Variants in LRRC1 observed in about 807,000 individuals in gnomAD.
LRRC1 encodes leucine rich repeat containing 1, also known as leucine-rich repeat-containing protein 1.
A neutral mutation model predicts 69.9 loss-of-function variants in LRRC1; 28 were observed. The ratio of observed to expected loss-of-function variants is 0.40; its 90% CI spans 0.30 to 0.55. The LOEUF is 0.55. LRRC1 is among the 20% of genes least tolerant of loss of function. The pLI is 0.47. For missense variants in LRRC1, 498 were observed against 609.0 expected (o/e 0.82, Z 1.92); for synonymous variants, 236 against 240.2 (o/e 0.98, Z 0.16).
In LRRC1 at chr6:53,919,560, A is replaced by G; in HGVS notation, c.1169A>G (p.Asn390Ser). 1.9e-6 allele frequency: 3 copies of G among 1,613,448 alleles called. No individual in the cohort carries two copies. The highest frequency in any genetic ancestry group is 1.3e-5 in the African/African-American group (1 of 74,872). Residue 390 changes from asparagine (N) to serine (S), a missense_variant, in exon 12 of 14, where the codon AAC becomes AGC. By Grantham distance (46) the Asn-to-Ser change is conservative. Coordinates refer to ENST00000370888, the MANE Select transcript of LRRC1 (RefSeq NM_018214.5). The part of the protein sequence containing the change: ...LKLKALWLSD[N>S]QSQPLLTFQT... The stretch of plus-strand genomic sequence containing the variant: ...TTGAAGGCTCTGTGGCTATCTGACA[A>G]CCAGTCCCAGCCCCTGCTTACATTC...
intron 1 of LRRC1, among the ~76,000 whole-genome samples, chr6:53,804,960 G>A (rs1013636957): frequency 6.6e-6 from 1 of 152,098 alleles, no homozygotes; most frequent in Non-Finnish European, 1.5e-5. Flanking sequence ...ACACATTCCC[G>A]ATTCTTGACA....
intron 10 of LRRC1, among the ~76,000 whole-genome samples, chr6:53,908,921 A>G (rs1010256842): frequency 6.6e-6 from 1 of 152,232 alleles, no homozygotes; most frequent in African/African-American, 2.4e-5. Context: ...AAATTTAATA[A>G]TGCCAAATTT....
At chr6:53,883,990 T>C in intron 4 of LRRC1, 1 of 718,026 alleles carries the variant, frequency 1.4e-6, no homozygotes. Context: ...GCCAGCAAGT[T>C]GGTGTTTTTC....
intron 4 of LRRC1, among the ~76,000 whole-genome samples, chr6:53,885,891 C>G (rs2127432393): frequency 6.6e-6 from 1 of 152,288 alleles, no homozygotes; most frequent in South Asian, 2.1e-4. Flanking sequence ...GACTACGGCT[C>G]TCCAGGTCCC....
At chr6:53,810,639 C>T (rs1764766335) in intron 1 of LRRC1, among the ~76,000 whole-genome samples, 1 of 151,874 alleles carries the variant, frequency 6.6e-6, no homozygotes, top group Admixed American at 6.6e-5. Flanking sequence ...AAAGCTTTTA[C>T]ACGTAGACAT....
chr6:53,808,125 A>G (rs1018339516), intron 1 of LRRC1, among the ~76,000 whole-genome samples: 2 of 152,194 alleles, frequency 1.3e-5, no homozygotes, highest in Non-Finnish European at 2.9e-5. Flanking sequence ...CTGCCTGCTG[A>G]TTAGAAATTA....
intron 8 of LRRC1, among the ~76,000 whole-genome samples, chr6:53,900,876 G>C (rs1011776661): frequency 6.6e-6 from 1 of 152,198 alleles, no homozygotes; most frequent in Non-Finnish European, 1.5e-5. Flanking sequence ...TAGGATTGCT[G>C]TCTTTAATTT....
At chr6:53,845,219 A>C (rs1765906013) in intron 2 of LRRC1, among the ~76,000 whole-genome samples, 1 of 152,174 alleles carries the variant, frequency 6.6e-6, no homozygotes, top group Non-Finnish European at 1.5e-5. Context: ...AACAAAAGAA[A>C]GAACGAATCT....
chr6:53,873,181 T>A lies in LRRC1; in HGVS notation c.278-5812T>A, dbSNP rs191919051. On this transcript the variant is annotated intron_variant, in intron 2 of 13. Coordinates refer to ENST00000370888, the MANE Select transcript of LRRC1 (RefSeq NM_018214.5). ...AGATTTTTTACCTATTTGGTTAAAT[T>A]TATTCTTAGGCATTTTATTTTTTGT... Among the ~76,000 whole-genome samples the A allele has an allele frequency of 3.4e-3, 521 of 152,298 alleles. 2 individuals carry two copies. The highest frequency in any genetic ancestry group is 0.012 in the African/African-American group (479 of 41,560).
intron 2 of LRRC1, 84 bp downstream of exon 2, chr6:53,842,311 A>AT: frequency 2.3e-6 from 2 of 861,206 alleles, no homozygotes; most frequent in Admixed American, 4.2e-5. Context: ...GAGTGAGAAC[A>AT]TGCGGTGTTT....
intron 1 of LRRC1, among the ~76,000 whole-genome samples, chr6:53,835,148 A>G (rs760105082): frequency 8.7e-4 from 133 of 152,202 alleles, no homozygotes; most frequent in Non-Finnish European, 1.7e-3. Flanking sequence ...GGTTTTTAAT[A>G]AAGTCACAGT....
At chr6:53,911,207 C>T (rs1768397698) in intron 10 of LRRC1, among the ~76,000 whole-genome samples, 1 of 152,140 alleles carries the variant, frequency 6.6e-6, no homozygotes, top group African/African-American at 2.4e-5. Flanking sequence ...GAAACAATAA[C>T]ACACAGTAGA....
At chr6:53,904,924 G>T (rs1768180579) in intron 10 of LRRC1, 1 of 153,832 alleles carries the variant, frequency 6.5e-6, no homozygotes, top group South Asian at 2.0e-4. Flanking sequence ...CTTGGATGAG[G>T]TTGAACAAAC....
chr6:53,905,577 CT>C (rs1768208599), intron 10 of LRRC1, among the ~76,000 whole-genome samples: 1 of 152,048 alleles, frequency 6.6e-6, no homozygotes, highest in East Asian at 1.9e-4. Context: ...TCTGTTTTGA[CT>C]TTTTCTAACG....
chr6:53,902,771 CAT>C lies in LRRC1; in HGVS notation c.906+26_906+27del, dbSNP rs376422415. The stretch of plus-strand genomic sequence containing the variant: ...TGGTAAGTGTGGTTTGCACATATAT[CAT>C]AAAGACTTACTAGGGTAGATTCTAC... On this transcript the variant is annotated intron_variant, in intron 9 of 13. Transcript: ENST00000370888. The C allele has an allele frequency of 3.2e-4, 442 of 1,389,424 alleles. 3 individuals carry two copies. In the African/African-American group the frequency reaches 4.0e-3, roughly 13 times the overall value. 86.1% of individuals were successfully genotyped at this position (1,389,424 alleles called of 1,614,324 possible). A position where few individuals can be genotyped will look rare whatever the true frequency, so the allele number is the denominator to read the frequency against.
chr6:53,914,075 T>C (rs568027041), intron 11 of LRRC1, 106 bp downstream of exon 11: 165 of 719,716 alleles, frequency 2.3e-4, no homozygotes, highest in Admixed American at 6.1e-4. Context: ...TTACAGAATA[T>C]AATCCTGATT....
intron 1 of LRRC1, among the ~76,000 whole-genome samples, chr6:53,825,872 G>A (rs1169946276): frequency 1.3e-5 from 2 of 151,996 alleles, no homozygotes; most frequent in Non-Finnish European, 2.9e-5. Context: ...TTTTTATGGT[G>A]TGTGCTTTTT....
At chr6:53,847,356 C>T (rs1267675404) in intron 2 of LRRC1, among the ~76,000 whole-genome samples, 1 of 152,014 alleles carries the variant, frequency 6.6e-6, no homozygotes, top group African/African-American at 2.4e-5. Context: ...ACCAGGATGG[C>T]AAAAATTGTG....
intron 2 of LRRC1, among the ~76,000 whole-genome samples, chr6:53,875,655 A>G (rs1767041944): frequency 1.3e-5 from 2 of 152,220 alleles, no homozygotes; most frequent in South Asian, 2.1e-4. Flanking sequence ...CCACATGAAA[A>G]TATAAGGAAA....
Sources: gnomAD v4.1 joint callset for allele counts (sites outside exome capture counted in the v4.1 genomes callset) on GRCh38, gnomAD v4.1.1 for gene constraint, MANE v1.5 for transcripts, NCBI Gene and HGNC (gene_info 2026-07-23, HGNC 2026-07-21) for gene names.